Variants in PROX1 observed in about 807,000 individuals in gnomAD.
PROX1 encodes the protein prospero homeobox protein 1.
A neutral mutation model predicts 58.8 loss-of-function variants in PROX1; 7 were observed. The ratio of observed to expected loss-of-function variants is 0.12; its 90% confidence interval spans 0.07 to 0.22. The LOEUF (loss-of-function observed/expected upper bound fraction) is 0.22, where lower values mean the gene tolerates loss of function less well. Ranked by LOEUF, PROX1 falls within the 10% of genes least tolerant of loss-of-function variation. The pLI, the probability that PROX1 is intolerant of heterozygous loss-of-function variation, is 1.00. For synonymous variants in PROX1, 350 were observed against 358.3 expected, an observed-to-expected ratio of 0.98 and a Z score of 0.26; for missense variants, 675 against 927.8, an observed-to-expected ratio of 0.73 and a Z score of 3.54.
At chr1:214,026,924 G>A (rs542711899) in intron 4 of PROX1, among the ~76,000 whole-genome samples, 1 of 152,226 alleles carries the variant, frequency 6.6e-6, no homozygotes, top group African/African-American at 2.4e-5. Context: ...GCATGTGACT[G>A]TTCATTCTTT....
chr1:214,032,348 A>G (rs746163286), intron 4 of PROX1, among the ~76,000 whole-genome samples: 8 of 152,014 alleles, frequency 5.3e-5, no homozygotes, highest in Non-Finnish European at 8.8e-5. Flanking sequence ...TCTGAGATCT[A>G]TTCGAACTCT....
rs551223352 is a variant in PROX1, at chr1:214,036,646, T to C, written c.*812T>C. ...CATAAAGAAAAATCCTATAACTTGT[T>C]ATCATTTTTGCTTCAGATACTAAAA... On this transcript the variant is annotated 3_prime_UTR_variant, in exon 5 of 5. Coordinates refer to ENST00000366958, the MANE Select transcript of PROX1 (RefSeq NM_001270616.2). The C allele has an allele frequency of 1.2e-4, 18 of 152,352 alleles. No individual in the cohort carries two copies. The highest frequency in any genetic ancestry group is 4.3e-4 in the African/African-American group (18 of 41,586). 9.4% of individuals were successfully genotyped at this position (152,352 alleles called of 1,614,324 possible).
chr1:214,002,667 G>C (rs532099695), intron 2 of PROX1, among the ~76,000 whole-genome samples: 1 of 151,976 alleles, frequency 6.6e-6, no homozygotes, highest in Non-Finnish European at 1.5e-5. Context: ...CTCGTGTTCA[G>C]TACAGCTGTA....
upstream of PROX1, chr1:213,985,423 T>G (rs1435347920): frequency 6.6e-6 from 1 of 152,316 alleles, no homozygotes; most frequent in East Asian, 1.9e-4. Context: ...GGGACAGGGC[T>G]GCGCCGAGGC....
intron 4 of PROX1, among the ~76,000 whole-genome samples, chr1:214,031,085 G>A (rs1426546684): frequency 4.6e-5 from 7 of 151,450 alleles, no homozygotes; most frequent in Non-Finnish European, 7.4e-5. Flanking sequence ...GCGCATTCGC[G>A]CACGCACACA....
chr1:214,011,483 G>T (rs758188008), intron 3 of PROX1, 38 bp from the exon 4 acceptor site: 7 of 1,509,842 alleles, frequency 4.6e-6, no homozygotes, highest in Non-Finnish European at 6.3e-6. Context: ...GAAGAAAATG[G>T]CAATGTTCTT....
upstream of PROX1, chr1:213,986,464 G>A (rs1276604207): frequency 1.3e-5 from 2 of 152,022 alleles, no homozygotes; most frequent in Admixed American, 6.5e-5. Flanking sequence ...TCCTCTTTAC[G>A]GTTTGGTGAA....
At chr1:214,000,259 T>C (rs1324824703) in intron 2 of PROX1, among the ~76,000 whole-genome samples, 8 of 152,238 alleles carry the variant, frequency 5.3e-5, no homozygotes, top group Admixed American at 5.2e-4. Context: ...TTTTTGTTTT[T>C]AGTCTTCTAG....
chr1:214,016,892 T>G (rs1664116093), intron 4 of PROX1, among the ~76,000 whole-genome samples: 1 of 152,170 alleles, frequency 6.6e-6, no homozygotes, highest in Non-Finnish European at 1.5e-5. Flanking sequence ...GTCATTGCAT[T>G]TTTAGCTCCC....
At chr1:214,018,035 CTGGATTAAA>C (rs1036891736) in intron 4 of PROX1, among the ~76,000 whole-genome samples, 2 of 152,190 alleles carry the variant, frequency 1.3e-5, no homozygotes, top group African/African-American at 4.8e-5. Flanking sequence ...TCAGCCCATC[CTGGATTAAA>C]TGTCTGAAGA....
intron 4 of PROX1, among the ~76,000 whole-genome samples, chr1:214,033,619 C>T (rs1024056851): frequency 6.6e-6 from 1 of 152,094 alleles, no homozygotes; most frequent in Non-Finnish European, 1.5e-5. Context: ...TTAATAAATG[C>T]CTATGATTAT....
At chr1:214,012,648 C>T (rs1663953935) in intron 4 of PROX1, among the ~76,000 whole-genome samples, 1 of 152,190 alleles carries the variant, frequency 6.6e-6, no homozygotes, top group Non-Finnish European at 1.5e-5. Flanking sequence ...AAGAATTCTG[C>T]AGGCTGAACT....
In PROX1 at chr1:213,997,752, A is replaced by T. The variant is rs201339853; in HGVS notation, c.1217A>T (p.Asn406Ile). 6 of 1,614,152 alleles carry T rather than the reference A, an allele frequency of 3.7e-6. No individual in the cohort carries two copies. The highest frequency in any genetic ancestry group is 3.4e-6 in the Non-Finnish European group (4 of 1,180,024). Residue 406 changes from asparagine (N) to isoleucine (I), a missense_variant, in exon 2 of 5, where the codon AAC (asparagine) becomes ATC (isoleucine). Around this residue, in one of 8 missense-constraint regions of PROX1, gnomAD observed 403 missense variants for 477.4 expected, o/e 0.84. Coordinates refer to ENST00000366958, the MANE Select transcript of PROX1 (RefSeq NM_001270616.2). The surrounding 1 kb of genome is among the most constrained non-coding windows in gnomAD (Gnocchi z 7.1). Reference protein sequence around the residue: ...NGENHNFHTANQRLQCFGDVI... With the variant: ...NGENHNFHTAIQRLQCFGDVI... ...GAAAACCACAATTTCCACACCGCCA[A>T]CCAGCGCCTGCAGTGCTTTGGCGAC... is the stretch of plus-strand genomic sequence containing the variant.
chr1:213,984,446 T>C (rs1406197053), upstream of PROX1: 2 of 152,234 alleles, frequency 1.3e-5, no homozygotes, highest in Non-Finnish European at 2.9e-5. Flanking sequence ...TCTGTTTACT[T>C]TGAAAGCTGT....
At chr1:214,033,479 T>TGGCA (rs1664730863) in intron 4 of PROX1, among the ~76,000 whole-genome samples, 7 of 152,100 alleles carry the variant, frequency 4.6e-5, no homozygotes, top group Admixed American at 1.3e-4. Context: ...TTGCCTGTAA[T>TGGCA]CTCAGCTACT....
At chr1:214,035,087 T>C (rs76818266) in intron 4 of PROX1, among the ~76,000 whole-genome samples, 2,289 of 152,290 alleles carry the variant, frequency 0.015, 25 homozygotes, top group Non-Finnish European at 0.02. Context: ...CCTTTATGTA[T>C]ATAGAATACT....
At chr1:214,025,240 CG>C (rs2102762772) in intron 4 of PROX1, among the ~76,000 whole-genome samples, 1 of 152,304 alleles carries the variant, frequency 6.6e-6, no homozygotes, top group Non-Finnish European at 1.5e-5. Context: ...TTAACTCCAT[CG>C]GGGGAATGGT....
At chr1:214,021,328 G>A (rs982527540) in intron 4 of PROX1, among the ~76,000 whole-genome samples, 3 of 152,062 alleles carry the variant, frequency 2.0e-5, no homozygotes, top group African/African-American at 4.8e-5. Context: ...GGCTCTAAAC[G>A]TGATTCCCCT....
chr1:214,004,296 C>T (rs1663629217), intron 2 of PROX1, among the ~76,000 whole-genome samples: 1 of 152,194 alleles, frequency 6.6e-6, no homozygotes, highest in South Asian at 2.1e-4. Context: ...CTCACATTCT[C>T]TTGGGAACTG....
Sources: gnomAD v4.1 joint callset for allele counts (sites outside exome capture counted in the v4.1 genomes callset) on GRCh38, gnomAD v4.1.1 for gene constraint, gnomAD v4.1.1 regional missense constraint, Gnocchi (gnomAD v3.1) non-coding constraint, MANE v1.5 for transcripts, NCBI Gene and HGNC (gene_info 2026-07-23, HGNC 2026-07-21) for gene names.